Variants in NR2F1-AS1 observed in about 807,000 individuals in gnomAD.
The protein encoded by NR2F1-AS1 is NR2F1 antisense RNA 1.
At chr5:93,568,859 C>A (rs1019172723) in intron 1 of NR2F1-AS1, among the ~76,000 whole-genome samples, 3 of 152,016 alleles carry the variant, frequency 2.0e-5, no homozygotes, top group African/African-American at 4.8e-5. Context: ...TAGGGGAGAA[C>A]GAGAGGAACA....
Position 93,459,033 on chromosome 5 carries a change from T to G in NR2F1-AS1, n.639-63491A>C, listed in dbSNP as rs451814. Among the ~76,000 whole-genome samples, 261 of 150,838 alleles carry G rather than the reference T, an allele frequency of 1.7e-3. 1 individual carries two copies. Among genetic ancestry groups the G allele is most frequent in the African/African-American group, 5.5e-3 (224 of 41,094 alleles). On this transcript the variant is annotated intron_variant and non_coding_transcript_variant, in intron 4 of 5. Coordinates refer to ENST00000660523, the Ensembl canonical transcript of NR2F1-AS1. ...TCTCAAAAAAGAAAAAAAAAGAAAA[T>G]AAAAAGGCACACCACAGAGTGGGAG...
At chr5:93,486,201 C>T (rs1245233412) in intron 4 of NR2F1-AS1, among the ~76,000 whole-genome samples, 3 of 146,350 alleles carry the variant, frequency 2.0e-5, no homozygotes, top group Non-Finnish European at 4.5e-5. Context: ...CAGCATGGCA[C>T]ATGTATACAT....
At chr5:93,473,353 T>C (rs1029709462) in intron 4 of NR2F1-AS1, among the ~76,000 whole-genome samples, 1 of 151,910 alleles carries the variant, frequency 6.6e-6, no homozygotes, top group African/African-American at 2.4e-5. Context: ...ATAAATTAAT[T>C]CTAAAATATT....
intron 4 of NR2F1-AS1, among the ~76,000 whole-genome samples, chr5:93,493,909 C>T (rs1036055510): frequency 3.9e-5 from 6 of 152,000 alleles, no homozygotes; most frequent in African/African-American, 7.2e-5. Context: ...AGAAACCATA[C>T]ACTTAAATCT....
chr5:93,458,434 G>C (rs1252634589), intron 4 of NR2F1-AS1, among the ~76,000 whole-genome samples: 1 of 152,138 alleles, frequency 6.6e-6, no homozygotes, highest in Non-Finnish European at 1.5e-5. Flanking sequence ...TAGGGAAAAA[G>C]TGGTGTCTTT....
At chr5:93,468,114 T>C (rs1750280566) in intron 4 of NR2F1-AS1, among the ~76,000 whole-genome samples, 1 of 152,224 alleles carries the variant, frequency 6.6e-6, no homozygotes, top group African/African-American at 2.4e-5. Flanking sequence ...GCAATAAACA[T>C]ACACGTGCAT....
intron 4 of NR2F1-AS1, among the ~76,000 whole-genome samples, chr5:93,470,796 G>C (rs1057385051): frequency 6.6e-6 from 1 of 151,638 alleles, no homozygotes; most frequent in African/African-American, 2.4e-5. Context: ...TACTATTTCT[G>C]ATTTTACTAC....
At chr5:93,544,187 C>A (rs1261401046) in intron 4 of NR2F1-AS1, among the ~76,000 whole-genome samples, 1 of 151,888 alleles carries the variant, frequency 6.6e-6, no homozygotes, top group African/African-American at 2.4e-5. Context: ...ATTAAATGAA[C>A]AAATATAGAA....
chr5:93,420,645 T>C (rs908196068), intron 4 of NR2F1-AS1, among the ~76,000 whole-genome samples: 3 of 152,118 alleles, frequency 2.0e-5, no homozygotes, highest in South Asian at 2.1e-4. Flanking sequence ...CAAAATAATT[T>C]ACAGGGAGAG....
At chr5:93,555,765 C>A (rs192014537) in intron 2 of NR2F1-AS1, among the ~76,000 whole-genome samples, 1 of 152,228 alleles carries the variant, frequency 6.6e-6, no homozygotes. Flanking sequence ...TTAGACAATA[C>A]TACAGACACT....
intron 4 of NR2F1-AS1, among the ~76,000 whole-genome samples, chr5:93,439,298 C>A (rs1412523958): frequency 6.6e-6 from 1 of 152,124 alleles, no homozygotes; most frequent in Non-Finnish European, 1.5e-5. Flanking sequence ...AATAAAAAGG[C>A]TTTTTTCTTT....
At chr5:93,501,307 T>C (rs890112541) in intron 4 of NR2F1-AS1, among the ~76,000 whole-genome samples, 2 of 151,404 alleles carry the variant, frequency 1.3e-5, no homozygotes, top group Non-Finnish European at 2.9e-5. Context: ...TGTTTTTTTT[T>C]TTAGTAAGGT....
chr5:93,543,380 G>T (rs1403527777), intron 4 of NR2F1-AS1: 2 of 152,122 alleles, frequency 1.3e-5, no homozygotes, highest in African/African-American at 2.4e-5. Flanking sequence ...TATCTCCAGG[G>T]ATAGGAAACT....
At chr5:93,515,662 A>T (rs1751386798) in intron 4 of NR2F1-AS1, among the ~76,000 whole-genome samples, 1 of 149,788 alleles carries the variant, frequency 6.7e-6, no homozygotes, top group Non-Finnish European at 1.5e-5. Context: ...TAATCGATGG[A>T]TAATATTAAC....
chr5:93,529,816 T>C (rs1433894039), intron 4 of NR2F1-AS1, among the ~76,000 whole-genome samples: 3 of 152,178 alleles, frequency 2.0e-5, no homozygotes, highest in Non-Finnish European at 2.9e-5. Context: ...CACAACTTTT[T>C]ACACTTAGCA....
intron 4 of NR2F1-AS1, among the ~76,000 whole-genome samples, chr5:93,532,766 T>C (rs1050839861): frequency 2.0e-5 from 3 of 152,246 alleles, no homozygotes; most frequent in African/African-American, 7.2e-5. Flanking sequence ...CTGCAACATT[T>C]TGGCTGAAAT....
intron 4 of NR2F1-AS1, among the ~76,000 whole-genome samples, chr5:93,531,112 A>G (rs1030107110): frequency 1.5e-4 from 23 of 152,196 alleles, no homozygotes; most frequent in African/African-American, 5.3e-4. Flanking sequence ...ACAGAAGAGA[A>G]GTCTGCTTAC....
At chr5:93,469,121 T>C (rs906907159) in intron 4 of NR2F1-AS1, among the ~76,000 whole-genome samples, 1 of 152,158 alleles carries the variant, frequency 6.6e-6, no homozygotes, top group Non-Finnish European at 1.5e-5. Flanking sequence ...ATTATAGTCA[T>C]TTGAGTTGCT....
chr5:93,473,037 T>C (rs2149871174), intron 4 of NR2F1-AS1, among the ~76,000 whole-genome samples: 1 of 152,098 alleles, frequency 6.6e-6, no homozygotes, highest in East Asian at 1.9e-4. Flanking sequence ...TAAACCAAGT[T>C]AAGGCCCATG....
Sources: gnomAD v4.1 joint callset for allele counts (sites outside exome capture counted in the v4.1 genomes callset) on GRCh38, gnomAD v4.1.1 for gene constraint, MANE v1.5 for transcripts, NCBI Gene and HGNC (gene_info 2026-07-23, HGNC 2026-07-21) for gene names.